Variants in USP37 observed in about 807,000 individuals in gnomAD.
The protein encoded by USP37 is ubiquitin carboxyl-terminal hydrolase 37.
USP37 carries 27 observed loss-of-function variants against 124.0 expected under a neutral mutation model. The observed-to-expected ratio is 0.22, with a 90% CI of 0.16 to 0.30. The LOEUF (loss-of-function observed/expected upper bound fraction) is 0.30. Among genes scored for constraint, USP37 ranks in the 10% least tolerant of loss-of-function variants. USP37 has a pLI of 1.00. For missense variants in USP37, 889 were observed against 1,140.4 expected (o/e 0.78, Z 3.17); for synonymous variants, 365 against 388.0 (o/e 0.94, Z 0.70).
intron 8 of USP37, among the ~76,000 whole-genome samples, chr2:218,540,977 A>C (rs1232935764): frequency 6.6e-6 from 1 of 152,228 alleles, no homozygotes; most frequent in African/African-American, 2.4e-5. Flanking sequence ...GGCCTGATAA[A>C]GTGCTGCAAT....
chr2:218,474,391 T>G (rs1450565846), intron 20 of USP37, among the ~76,000 whole-genome samples: 1 of 152,140 alleles, frequency 6.6e-6, no homozygotes, highest in African/African-American at 2.4e-5. Flanking sequence ...AGAAGGAGTC[T>G]CACTCTGTCG....
intron 19 of USP37, among the ~76,000 whole-genome samples, chr2:218,475,588 T>G (rs1260516053): frequency 3.9e-5 from 6 of 151,982 alleles, no homozygotes; most frequent in African/African-American, 1.4e-4. Context: ...TACAAAAAAA[T>G]TAGCCAGGCA....
In USP37 at chr2:218,562,653, A is replaced by G. The variant is rs1364129925; in HGVS notation, c.-89+20T>C. 2 of 398,264 alleles carry G rather than the reference A, an allele frequency of 5.0e-6. No homozygotes were observed. The highest frequency in any genetic ancestry group is 2.1e-5 in the African/African-American group (1 of 48,630). 24.7% of individuals were successfully genotyped at this position (398,264 alleles called of 1,614,324 possible). Reference sequence around the variant, plus strand: ...TGCATGCTCTTTGAAACATATATCCAAAACAAAAACATTACTTACTTTTCA... The same window carrying G: ...TGCATGCTCTTTGAAACATATATCCGAAACAAAAACATTACTTACTTTTCA... On this transcript the variant is annotated intron_variant, in intron 2 of 25. Coordinates refer to ENST00000258399, the MANE Select transcript of USP37 (RefSeq NM_020935.3).
chr2:218,455,698 AT>A lies in USP37; in HGVS notation c.2733del (p.Tyr912MetfsTer93). 6.2e-7 allele frequency: 1 copy of A among 1,613,536 alleles called. No individual in the cohort carries two copies. The highest frequency in any genetic ancestry group is 8.5e-7 in the Non-Finnish European group (1 of 1,179,870). On this transcript the variant is annotated frameshift_variant, in exon 25 of 26. Transcript: ENST00000258399. LOFTEE classifies it high-confidence loss of function. ...AACCACGCTTGCTTCTTAATGTCAT[AT>A]ACATCACTAATGTAATGACCTGAAA... ...TSSSGHYISD[V>X]YDIKKQAWFT...
At position 218,546,277 on chromosome 2, in the gene USP37, C is replaced by T; in HGVS notation, c.624G>A (p.Met208Ile). The T allele has an allele frequency of 6.2e-7, 1 of 1,612,804 alleles. No individual in the cohort carries two copies. The highest frequency in any genetic ancestry group is 8.5e-7 in the Non-Finnish European group (1 of 1,179,666). Residue 208 changes from methionine to isoleucine, a missense_variant, in exon 8 of 26, where the codon ATG becomes ATA. By Grantham distance (10) the Met-to-Ile change is conservative. Coordinates refer to ENST00000258399, the MANE Select transcript of USP37 (RefSeq NM_020935.3). Reference protein sequence around the residue: ...LENRTEKRKRMISTGSELNED... With the variant: ...LENRTEKRKRIISTGSELNED... ...CATTCAATTCTGAGCCAGTTGATAT[C>T]ATTCTTTTCCTCTTTTCAGTACTAC... is the stretch of plus-strand genomic sequence containing the variant.
chr2:218,492,368 G>A (rs1386502043), intron 14 of USP37, among the ~76,000 whole-genome samples: 2 of 152,188 alleles, frequency 1.3e-5, no homozygotes, highest in African/African-American at 2.4e-5. Flanking sequence ...CAAGGGAAAA[G>A]TGTGACAGAA....
intron 10 of USP37, among the ~76,000 whole-genome samples, chr2:218,520,524 G>A (rs1348573970): frequency 6.6e-6 from 1 of 151,296 alleles, no homozygotes. Flanking sequence ...TAATTTTTTT[G>A]TATTATTAGT....
rs771869997 is a variant in USP37, at chr2:218,451,851, G to A, written c.*3079C>T. The A allele has an allele frequency of 2.6e-5, 4 of 152,704 alleles. 1 individual carries two copies. The South Asian group carries it at 8.3e-4, about 32-fold the overall frequency. The allele number at this position is 152,704 out of a possible 1,614,324, so 9.5% of individuals were successfully genotyped here. A position where few individuals can be genotyped will look rare whatever the true frequency, so the allele number is the denominator to read the frequency against. On this transcript the variant is annotated 3_prime_UTR_variant, in exon 26 of 26. Coordinates refer to ENST00000258399, the MANE Select transcript of USP37 (RefSeq NM_020935.3). ...GAGCCTTTAAGGTTAGGCCCAGAATGAACAGACCATAGCAAGTAAACAAAT... is the reference window on the plus strand; with the variant it reads ...GAGCCTTTAAGGTTAGGCCCAGAATAAACAGACCATAGCAAGTAAACAAAT...
chr2:218,519,126 C>G (rs1294954660), intron 10 of USP37, among the ~76,000 whole-genome samples: 1 of 152,192 alleles, frequency 6.6e-6, no homozygotes, highest in Non-Finnish European at 1.5e-5. Flanking sequence ...CAACTGCCTC[C>G]TGGCAGCAAT....
intron 8 of USP37, among the ~76,000 whole-genome samples, chr2:218,538,525 C>T (rs1351444323): frequency 3.3e-5 from 5 of 152,196 alleles, no homozygotes; most frequent in Non-Finnish European, 5.9e-5. Context: ...GCATGTCAGC[C>T]AGCCTCTGTC....
At chr2:218,476,514 G>C (rs1690990830) in intron 19 of USP37, among the ~76,000 whole-genome samples, 1 of 152,178 alleles carries the variant, frequency 6.6e-6, no homozygotes, top group African/African-American at 2.4e-5. Context: ...GAACGATGCT[G>C]TGGTGAGCCG....
At chr2:218,562,003 A>T (rs1229929720) in intron 2 of USP37, among the ~76,000 whole-genome samples, 1 of 152,192 alleles carries the variant, frequency 6.6e-6, no homozygotes, top group Non-Finnish European at 1.5e-5. Flanking sequence ...CTGGCTCTAA[A>T]ATCAAGACTC....
chr2:218,461,511 GAAAA>G (rs141283321), intron 22 of USP37, among the ~76,000 whole-genome samples: 5 of 142,352 alleles, frequency 3.5e-5, no homozygotes, highest in Admixed American at 7.0e-5. Context: ...CATCTCAAAA[GAAAA>G]AAAAAAGAAA....
chr2:218,564,779 C>T (rs1027175166), intron 1 of USP37, among the ~76,000 whole-genome samples: 1 of 152,094 alleles, frequency 6.6e-6, no homozygotes. Flanking sequence ...TAGGACCTTC[C>T]CAAACTAAAT....
intron 20 of USP37, chr2:218,473,176 T>C (rs920501210): frequency 1.3e-5 from 2 of 152,226 alleles, no homozygotes; most frequent in African/African-American, 2.4e-5. Context: ...ATATAGGACA[T>C]TGCCACATAT....
Position 218,497,725 on chromosome 2 carries a change from A to C in USP37, c.1281+9T>G. On this transcript the variant is annotated intron_variant, in intron 13 of 25. Coordinates refer to ENST00000258399, the MANE Select transcript of USP37 (RefSeq NM_020935.3). ...GCCTCTGAAACGTTTTAAAACAATTAATACTCACATTCTGCATATAACCAG... is the reference window on the plus strand; with the variant it reads ...GCCTCTGAAACGTTTTAAAACAATTCATACTCACATTCTGCATATAACCAG... The C allele has an allele frequency of 6.2e-7, 1 of 1,613,680 alleles. No homozygotes were observed. The highest frequency in any genetic ancestry group is 1.1e-5 in the South Asian group (1 of 90,980).
rs1218927408 is a variant in USP37, at chr2:218,530,954, G to GT, written c.779-915dup. 2.0e-5 allele frequency among the ~76,000 whole-genome samples: 3 copies of GT among 152,158 alleles called. No homozygotes were observed. In the East Asian group the frequency reaches 5.8e-4, roughly 29 times the overall value. On this transcript the variant is annotated intron_variant, in intron 9 of 25. Coordinates refer to ENST00000258399, the MANE Select transcript of USP37 (RefSeq NM_020935.3). ...GAAGCAGAAGAAAAATGTGAAGCTA[G>GT]TAAGAGCTGGTTCATCAGGTTTAAA...
At chr2:218,458,857 AG>A (rs1316698087) in intron 23 of USP37, among the ~76,000 whole-genome samples, 3 of 152,008 alleles carry the variant, frequency 2.0e-5, no homozygotes, top group Non-Finnish European at 4.4e-5. Context: ...CCTTGAGCCC[AG>A]GAGTCTGAAG....
intron 10 of USP37, among the ~76,000 whole-genome samples, chr2:218,525,752 T>C (rs1000276428): frequency 6.6e-6 from 1 of 152,220 alleles, no homozygotes; most frequent in Non-Finnish European, 1.5e-5. Flanking sequence ...ATAGGTAAAC[T>C]CGTGGCATGG....
Sources: gnomAD v4.1 joint callset for allele counts (sites outside exome capture counted in the v4.1 genomes callset) on GRCh38, gnomAD v4.1.1 for gene constraint, MANE v1.5 for transcripts, NCBI Gene and HGNC (gene_info 2026-07-23, HGNC 2026-07-21) for gene names.